Variants in ZNF385B observed in about 807,000 individuals in gnomAD.
ZNF385B encodes the protein zinc finger protein 385B.
ZNF385B carries 23 observed loss-of-function variants against 39.2 expected under a neutral mutation model. The ratio of observed to expected loss-of-function variants is 0.59; its 90% CI spans 0.42 to 0.83. ZNF385B has a LOEUF of 0.83. Among genes scored for constraint, ZNF385B ranks in the 40% least tolerant of loss-of-function variants. The probability of loss-of-function intolerance (pLI) is 0.00; values close to 1 mark genes in which losing one functional copy is unlikely to be tolerated. For synonymous variants in ZNF385B, 205 were observed against 222.6 expected (o/e 0.92, Z 0.70); for missense variants, 552 against 598.9 (o/e 0.92, Z 0.82).
chr2:179,525,851 GTTTT>G (rs1352767642), intron 4 of ZNF385B, among the ~76,000 whole-genome samples: 1 of 151,956 alleles, frequency 6.6e-6, no homozygotes, highest in Admixed American at 6.6e-5. Context: ...TTTAAAATGG[GTTTT>G]GTCTTTCATA....
At chr2:179,789,619 T>C (rs1206295271) in intron 1 of ZNF385B, among the ~76,000 whole-genome samples, 1 of 152,124 alleles carries the variant, frequency 6.6e-6, no homozygotes, top group Non-Finnish European at 1.5e-5. Flanking sequence ...CCAAGAAAAA[T>C]TGAGAGGACT....
intron 3 of ZNF385B, among the ~76,000 whole-genome samples, chr2:179,678,965 A>G (rs1261179420): frequency 6.6e-6 from 1 of 152,194 alleles, no homozygotes; most frequent in Non-Finnish European, 1.5e-5. Flanking sequence ...TGTTCCCACA[A>G]CCAAATTATA....
chr2:179,684,472 T>G (rs888806090), intron 3 of ZNF385B, among the ~76,000 whole-genome samples: 1 of 152,250 alleles, frequency 6.6e-6, no homozygotes, highest in African/African-American at 2.4e-5. Flanking sequence ...AAAATATTCA[T>G]GTGCTACCAT....
intron 5 of ZNF385B, among the ~76,000 whole-genome samples, chr2:179,492,229 G>T (rs1184292826): frequency 6.6e-6 from 1 of 152,180 alleles, no homozygotes; most frequent in Non-Finnish European, 1.5e-5. Context: ...ATCCCAAGTT[G>T]CTAATGTGTT....
At chr2:179,588,250 G>A (rs552474380) in intron 3 of ZNF385B, among the ~76,000 whole-genome samples, 3 of 152,168 alleles carry the variant, frequency 2.0e-5, no homozygotes, top group Admixed American at 6.5e-5. Flanking sequence ...CACCATGCCC[G>A]GCTAATTTTT....
intron 3 of ZNF385B, among the ~76,000 whole-genome samples, chr2:179,734,379 G>A (rs564354336): frequency 6.6e-6 from 1 of 152,142 alleles, no homozygotes; most frequent in Non-Finnish European, 1.5e-5. Flanking sequence ...AATATTAAAT[G>A]AATCAATTCA....
At chr2:179,735,581 A>T (rs531507771) in intron 3 of ZNF385B, among the ~76,000 whole-genome samples, 10 of 143,400 alleles carry the variant, frequency 7.0e-5, no homozygotes, top group Admixed American at 5.5e-4. Flanking sequence ...ACACATGCAC[A>T]CGTATGTTTA....
At chr2:179,860,173 T>C (rs1401769095) in intron 1 of ZNF385B, among the ~76,000 whole-genome samples, 1 of 152,172 alleles carries the variant, frequency 6.6e-6, no homozygotes, top group African/African-American at 2.4e-5. Context: ...CAAAAGGAAA[T>C]GCAAACCTCA....
intron 1 of ZNF385B, among the ~76,000 whole-genome samples, chr2:179,837,006 T>C (rs1042907933): frequency 6.6e-6 from 1 of 152,188 alleles, no homozygotes; most frequent in Admixed American, 6.5e-5. Context: ...TTCCAGCTCA[T>C]TAAATCATAC....
intron 3 of ZNF385B, 106 bp from the exon 4 acceptor site, chr2:179,545,075 G>T (rs1247733622): frequency 7.0e-7 from 1 of 1,428,034 alleles, no homozygotes; most frequent in East Asian, 2.3e-5. Flanking sequence ...TTGCAAGCAA[G>T]AGAGTTATGC....
chr2:179,611,293 C>T (rs937559116), intron 3 of ZNF385B, among the ~76,000 whole-genome samples: 2 of 152,152 alleles, frequency 1.3e-5, no homozygotes, highest in Non-Finnish European at 2.9e-5. Flanking sequence ...CATCAGTTGA[C>T]ATGATCATAT....
intron 3 of ZNF385B, among the ~76,000 whole-genome samples, chr2:179,573,183 A>C (rs1319580778): frequency 6.6e-6 from 1 of 152,202 alleles, no homozygotes; most frequent in Non-Finnish European, 1.5e-5. Context: ...CTTCTGTAAC[A>C]TATCTTTTCA....
At chr2:179,738,466 C>T (rs1701897827) in intron 3 of ZNF385B, among the ~76,000 whole-genome samples, 1 of 152,156 alleles carries the variant, frequency 6.6e-6, no homozygotes, top group Non-Finnish European at 1.5e-5. Context: ...CAATTCCCAT[C>T]TAAGAGACCA....
At chr2:179,453,282 G>A (rs2050335200) in intron 6 of ZNF385B, among the ~76,000 whole-genome samples, 1 of 152,150 alleles carries the variant, frequency 6.6e-6, no homozygotes. Flanking sequence ...GGACACAACT[G>A]AGAATTGAAA....
chr2:179,859,782 C>A (rs1684894668), intron 1 of ZNF385B, among the ~76,000 whole-genome samples: 1 of 152,120 alleles, frequency 6.6e-6, no homozygotes, highest in Non-Finnish European at 1.5e-5. Context: ...ACTTGCAATG[C>A]TGTATTTTGC....
At chr2:179,849,110 G>A (rs1333573408) in intron 1 of ZNF385B, among the ~76,000 whole-genome samples, 1 of 152,140 alleles carries the variant, frequency 6.6e-6, no homozygotes, top group Non-Finnish European at 1.5e-5. Context: ...ATCTGGAGGT[G>A]TCAGATCACA....
intron 3 of ZNF385B, among the ~76,000 whole-genome samples, chr2:179,708,004 G>C (rs1316819874): frequency 6.6e-6 from 1 of 152,198 alleles, no homozygotes; most frequent in African/African-American, 2.4e-5. Flanking sequence ...ATCTCAATAA[G>C]AGCAGTGGTT....
rs533447383 is a variant in ZNF385B at position 179,795,287 on chromosome 2, G to A, written c.-154-24615C>T. ...AAAAGCAGAAAAATATAGACGCAGG[G>A]AACTGTTGGGAAAAGTTAGAGTTAT... On this transcript the variant is annotated intron_variant, in intron 1 of 9. Coordinates refer to ENST00000410066, the MANE Select transcript of ZNF385B (RefSeq NM_152520.6). 2.6e-5 allele frequency among the ~76,000 whole-genome samples: 4 copies of A among 152,194 alleles called. No individual in the cohort carries two copies. In the South Asian group the frequency reaches 6.2e-4, roughly 24 times the overall value.
chr2:179,827,331 A>G (rs1707734081), intron 1 of ZNF385B, among the ~76,000 whole-genome samples: 1 of 152,128 alleles, frequency 6.6e-6, no homozygotes, highest in Admixed American at 6.5e-5. Context: ...TGGGCCTTCT[A>G]TTCTTTCCCA....
Sources: gnomAD v4.1 joint callset for allele counts (sites outside exome capture counted in the v4.1 genomes callset) on GRCh38, gnomAD v4.1.1 for gene constraint, MANE v1.5 for transcripts, NCBI Gene and HGNC (gene_info 2026-07-23, HGNC 2026-07-21) for gene names.